The following ALPL variants were observed in gnomAD, a reference collection of about 807,000 sequenced individuals.
The protein encoded by ALPL is alkaline phosphatase, biomineralization associated.
ALPL carries 42 observed loss-of-function variants against 51.3 expected under a neutral mutation model. The ratio of observed to expected loss-of-function variants is 0.82; its 90% confidence interval spans 0.64 to 1.06. The LOEUF (loss-of-function observed/expected upper bound fraction) is 1.06. ALPL is among the 50% of genes least tolerant of loss of function. The probability of loss-of-function intolerance (pLI) is 0.00; values close to 1 mark genes in which losing one functional copy is unlikely to be tolerated. For synonymous variants in ALPL, 279 were observed against 296.4 expected, an observed-to-expected ratio of 0.94 and a Z score of 0.60; for missense variants, 589 against 709.4, an observed-to-expected ratio of 0.83 and a Z score of 1.93.
At chr1:21,539,550 C>T (rs891653635) in intron 1 of ALPL, among the ~76,000 whole-genome samples, 1 of 152,180 alleles carries the variant, frequency 6.6e-6, no homozygotes, top group African/African-American at 2.4e-5. Flanking sequence ...CAGTAATTGC[C>T]CCCCAAATCC....
At chr1:21,575,311 GC>G (rs1375243652) in intron 9 of ALPL, among the ~76,000 whole-genome samples, 1 of 152,172 alleles carries the variant, frequency 6.6e-6, no homozygotes, top group Non-Finnish European at 1.5e-5. Flanking sequence ...TCTCTGCCCA[GC>G]ATTGCTGTTC....
At chr1:21,525,304 C>T (rs1198495962) in intron 1 of ALPL, among the ~76,000 whole-genome samples, 2 of 152,218 alleles carry the variant, frequency 1.3e-5, no homozygotes, top group African/African-American at 2.4e-5. Flanking sequence ...CCTCATCCCG[C>T]CACACGCTCC....
At chr1:21,544,758 A>C (rs1401873597) in intron 1 of ALPL, among the ~76,000 whole-genome samples, 1 of 152,170 alleles carries the variant, frequency 6.6e-6, no homozygotes, top group African/African-American at 2.4e-5. Context: ...CAAAAACAAA[A>C]TTATGAGAGG....
At chr1:21,563,883 C>G (rs1644523084) in intron 5 of ALPL, among the ~76,000 whole-genome samples, 158 bp from the exon 6 acceptor site, 1 of 152,030 alleles carries the variant, frequency 6.6e-6, no homozygotes, top group Admixed American at 6.6e-5. Flanking sequence ...GAAGCCACTG[C>G]CAGACACCTG....
At chr1:21,532,000 T>C (rs1227510106) in intron 1 of ALPL, among the ~76,000 whole-genome samples, 8 of 151,952 alleles carry the variant, frequency 5.3e-5, no homozygotes, top group Non-Finnish European at 1.2e-4. Flanking sequence ...TGTTGTTACT[T>C]GGGATTGATG....
chr1:21,554,927 TTTC>T (rs2148139079), intron 2 of ALPL, among the ~76,000 whole-genome samples: 1 of 111,820 alleles, frequency 8.9e-6, no homozygotes, highest in Admixed American at 8.7e-5. Context: ...TCTTTCTTTC[TTTC>T]TTTTCTTTTT....
intron 10 of ALPL, among the ~76,000 whole-genome samples, chr1:21,576,312 T>A (rs1469372595): frequency 6.7e-6 from 1 of 148,756 alleles, no homozygotes; most frequent in Non-Finnish European, 1.5e-5. Context: ...GATGGGTGGA[T>A]GGATGAATGG....
rs2148158625 is a variant in ALPL at position 21,563,205 on chromosome 1, C to T, written c.393C>T (p.Ser131=). Residue 131 remains serine (S), a synonymous_variant, in exon 5 of 12, where the codon AGC becomes AGT. Transcript: ENST00000374840. ...CCAATGAGGGCACCGTGGGGGTAAG[C>T]GCAGCCACTGAGCGTTCCCGGTGCA... ...VKANEGTVGV[S]AATERSRCNT... The T allele has an allele frequency of 2.5e-6, 4 of 1,613,946 alleles. No homozygotes were observed. The highest frequency in any genetic ancestry group is 1.6e-4 in the Middle Eastern group (1 of 6,062).
At chr1:21,557,992 T>G (rs539530610) in intron 2 of ALPL, among the ~76,000 whole-genome samples, 1 of 152,314 alleles carries the variant, frequency 6.6e-6, no homozygotes, top group African/African-American at 2.4e-5. Context: ...TCATATAGTA[T>G]GTACCGATCA....
At chr1:21,553,177 T>A (rs1213765987) in intron 1 of ALPL, among the ~76,000 whole-genome samples, 1 of 151,306 alleles carries the variant, frequency 6.6e-6, no homozygotes, top group South Asian at 2.1e-4. Flanking sequence ...AACTCTTCAA[T>A]TACATCCGAC....
In ALPL at chr1:21,573,811, G is replaced by A. The variant is rs367791610; in HGVS notation, c.997+12G>A. ...CTTGCTGGTGGAAGGTAGGGACCCC[G>A]GGTCTGCTGAGAGGGGGCTGCTGGA... On this transcript the variant is annotated intron_variant, in intron 9 of 11. Transcript: ENST00000374840. 15 of 1,613,970 alleles carry A rather than the reference G, an allele frequency of 9.3e-6. No homozygotes were observed. The highest frequency in any genetic ancestry group is 6.7e-5 in the East Asian group (3 of 44,890).
rs572055334 is a variant in ALPL at position 21,556,040 on chromosome 1, TGG to T, written c.61+1900_61+1901del. Among the ~76,000 whole-genome samples the T allele has an allele frequency of 1.4e-3, 210 of 152,336 alleles. 1 individual carries two copies. Among genetic ancestry groups the T allele is most frequent in the Admixed American group, 0.013 (205 of 15,298 alleles). On this transcript the variant is annotated intron_variant, in intron 2 of 11. Coordinates refer to ENST00000374840, the MANE Select transcript of ALPL (RefSeq NM_000478.6). The stretch of plus-strand genomic sequence containing the variant: ...CGCCTGCCTTGGCCTCCTAAAGTGC[TGG>T]GATTACAGGCATGAGCCACCGCACC...
intron 1 of ALPL, among the ~76,000 whole-genome samples, chr1:21,535,309 C>T (rs185149502): frequency 3.9e-5 from 6 of 152,196 alleles, no homozygotes; most frequent in Admixed American, 1.3e-4. Flanking sequence ...CTGCAAGCAG[C>T]GAGCCATATA....
rs374045597 is a variant in ALPL, at chr1:21,536,989, C to G, written c.-104-16989C>G. On this transcript the variant is annotated intron_variant, in intron 1 of 11. Coordinates refer to ENST00000374840, the MANE Select transcript of ALPL (RefSeq NM_000478.6). ...TTGGCTCACTACAACCTCCACCTCC[C>G]AGGTTCAAGCGATTCTCCTGCCTTA... 6.7e-5 allele frequency among the ~76,000 whole-genome samples: 10 copies of G among 148,270 alleles called. No individual in the cohort carries two copies. In the East Asian group the frequency reaches 2.0e-3, roughly 30 times the overall value.
chr1:21,573,929 G>T (rs2148185295), intron 9 of ALPL, 130 bp downstream of exon 9: 1 of 1,501,954 alleles, frequency 6.7e-7, no homozygotes. Context: ...AGGAGAATAG[G>T]TTGTGGAAGG....
chr1:21,525,755 A>C (rs1245545208), intron 1 of ALPL, among the ~76,000 whole-genome samples: 1 of 152,240 alleles, frequency 6.6e-6, no homozygotes, highest in Non-Finnish European at 1.5e-5. Context: ...TGGGAGGCCA[A>C]GGCCAGTGGA....
At chr1:21,521,382 A>T (rs570802569) in intron 1 of ALPL, among the ~76,000 whole-genome samples, 1 of 152,220 alleles carries the variant, frequency 6.6e-6, no homozygotes, top group South Asian at 2.1e-4. Context: ...ACAGGGTTTC[A>T]TCATGTTGGC....
At chr1:21,512,679 T>G (rs1423265829) in intron 1 of ALPL, among the ~76,000 whole-genome samples, 1 of 152,156 alleles carries the variant, frequency 6.6e-6, no homozygotes, top group East Asian at 1.9e-4. Flanking sequence ...TGATGCTCAG[T>G]GTCTGAAGAA....
At chr1:21,563,959 C>A in intron 5 of ALPL, 82 bp from the exon 6 acceptor site, 1 of 1,500,168 alleles carries the variant, frequency 6.7e-7, no homozygotes, top group Non-Finnish European at 8.9e-7. Context: ...CTGTCTTTAG[C>A]GGGGAGGGGG....
Sources: gnomAD v4.1 joint callset for allele counts (sites outside exome capture counted in the v4.1 genomes callset) on GRCh38, gnomAD v4.1.1 for gene constraint, MANE v1.5 for transcripts, NCBI Gene and HGNC (gene_info 2026-07-23, HGNC 2026-07-21) for gene names.